COL25A1: variants seen among roughly 807,000 people sequenced by gnomAD.
COL25A1 encodes collagen type XXV alpha 1 chain, also known as collagen alpha-1(XXV) chain.
In COL25A1, 103 loss-of-function variants were observed where a neutral mutation model predicts 128.4. The observed-to-expected ratio is 0.80, with a 90% CI of 0.68 to 0.94. The LOEUF is 0.94. COL25A1 is among the 40% of genes least tolerant of loss of function. The probability of loss-of-function intolerance (pLI) is 0.00; values close to 1 mark genes in which losing one functional copy is unlikely to be tolerated. For synonymous variants in COL25A1, 279 were observed against 277.2 expected (o/e 1.01, Z -0.06); for missense variants, 745 against 840.0 (o/e 0.89, Z 1.40).
intron 16 of COL25A1, among the ~76,000 whole-genome samples, chr4:108,895,147 T>C (rs958423155): frequency 3.9e-5 from 6 of 152,224 alleles, no homozygotes; most frequent in Non-Finnish European, 7.3e-5. Context: ...AATTGCTACT[T>C]GGTGACATTA....
intron 37 of COL25A1, among the ~76,000 whole-genome samples, chr4:108,815,246 AT>A (rs1334684828): frequency 6.6e-6 from 1 of 152,298 alleles, no homozygotes; most frequent in East Asian, 1.9e-4. Flanking sequence ...CACAATTTGA[AT>A]TTTAAGTCAA....
At chr4:109,149,969 T>C (rs911826874) in intron 3 of COL25A1, among the ~76,000 whole-genome samples, 10 of 150,748 alleles carry the variant, frequency 6.6e-5, no homozygotes, top group South Asian at 2.1e-4. Flanking sequence ...TACCTGTGTG[T>C]ATGTATGTGT....
At chr4:109,287,671 A>C (rs1018855994) in intron 3 of COL25A1, among the ~76,000 whole-genome samples, 1 of 152,178 alleles carries the variant, frequency 6.6e-6, no homozygotes, top group Admixed American at 6.6e-5. Flanking sequence ...CTATTCTGAC[A>C]TACTTTCTTC....
Position 109,049,064 on chromosome 4 carries a change from AATAAAT to A in COL25A1, c.413-895_413-890del, listed in dbSNP as rs572437528. Among the ~76,000 whole-genome samples the A allele has an allele frequency of 1.2e-4, 19 of 152,262 alleles. No homozygotes were observed. The East Asian group carries it at 3.7e-3, about 29-fold the overall frequency. ...AATAAGCAACTACACTGCTCAAATT[AATAAAT>A]TTTCACAAATGCTTTTTACTTTTAC... On this transcript the variant is annotated intron_variant, in intron 4 of 37. Coordinates refer to ENST00000399132, the MANE Select transcript of COL25A1 (RefSeq NM_198721.4).
intron 3 of COL25A1, among the ~76,000 whole-genome samples, chr4:109,154,568 T>TG (rs1209227835): frequency 1.3e-5 from 2 of 152,178 alleles, no homozygotes; most frequent in African/African-American, 2.4e-5. Context: ...CATACAGACT[T>TG]GAAGATGTTG....
chr4:108,988,974 C>A (rs1753919846), intron 6 of COL25A1, among the ~76,000 whole-genome samples: 1 of 152,208 alleles, frequency 6.6e-6, no homozygotes, highest in Non-Finnish European at 1.5e-5. Flanking sequence ...GTGTCAGCTA[C>A]TACTTGTCCA....
chr4:108,872,943 A>G (rs1738947658), intron 19 of COL25A1, among the ~76,000 whole-genome samples: 1 of 151,526 alleles, frequency 6.6e-6, no homozygotes, highest in African/African-American at 2.4e-5. Context: ...CCCAGGCTGA[A>G]GTTCAGTGGT....
In COL25A1 at chr4:109,172,346, T is replaced by G. The variant is rs554935436; in HGVS notation, c.368-122167A>C. ...GCGATAAGATATAATCGAGGAAGAA[T>G]AAGGTATTTGTCAAGAAGAGAATCC... On this transcript the variant is annotated intron_variant, in intron 3 of 37. Transcript: ENST00000399132. Among the ~76,000 whole-genome samples the G allele has an allele frequency of 6.6e-5, 10 of 152,084 alleles. 1 individual carries two copies. The South Asian group carries it at 8.3e-4, about 13-fold the overall frequency.
intron 3 of COL25A1, among the ~76,000 whole-genome samples, chr4:109,164,489 T>C (rs1479975040): frequency 6.6e-6 from 1 of 152,124 alleles, no homozygotes; most frequent in Non-Finnish European, 1.5e-5. Flanking sequence ...GGTTGACTGG[T>C]TGGTTGGTTT....
intron 6 of COL25A1, among the ~76,000 whole-genome samples, chr4:109,008,927 C>G (rs1756313989): frequency 6.6e-6 from 1 of 152,032 alleles, no homozygotes; most frequent in Non-Finnish European, 1.5e-5. Flanking sequence ...TCAAGACCAG[C>G]CTGGCCAACA....
intron 12 of COL25A1, among the ~76,000 whole-genome samples, chr4:108,919,737 A>G (rs1359972501): frequency 1.3e-5 from 2 of 152,010 alleles, no homozygotes; most frequent in African/African-American, 4.8e-5. Flanking sequence ...TGGAAACCCT[A>G]GATCTTCTCC....
chr4:109,010,241 T>C (rs1756444608), intron 6 of COL25A1, 117 bp downstream of exon 6: 1 of 796,204 alleles, frequency 1.3e-6, no homozygotes, highest in South Asian at 1.7e-5. Flanking sequence ...GTCTACTGTG[T>C]GGTGTTGTGA....
chr4:109,179,533 C>T (rs141977179), intron 3 of COL25A1, among the ~76,000 whole-genome samples: 3 of 152,208 alleles, frequency 2.0e-5, no homozygotes, highest in African/African-American at 7.2e-5. Context: ...AGGTAATTCC[C>T]ATGTGAATAT....
chr4:109,050,841 C>G (rs987296135), intron 3 of COL25A1, among the ~76,000 whole-genome samples: 5 of 151,666 alleles, frequency 3.3e-5, no homozygotes, highest in South Asian at 4.2e-4. Flanking sequence ...AAATAGTTAG[C>G]CTTTATGATG....
At chr4:109,139,954 G>A (rs181872314) in intron 3 of COL25A1, among the ~76,000 whole-genome samples, 134 of 152,012 alleles carry the variant, frequency 8.8e-4, no homozygotes, top group African/African-American at 3.0e-3. Context: ...ATAGTTTGCC[G>A]AGAATGATGG....
At chr4:109,204,448 T>A (rs1191508452) in intron 3 of COL25A1, among the ~76,000 whole-genome samples, 1 of 151,890 alleles carries the variant, frequency 6.6e-6, no homozygotes, top group African/African-American at 2.4e-5. Flanking sequence ...AAAAATGGCC[T>A]ATATAATAGG....
intron 3 of COL25A1, among the ~76,000 whole-genome samples, chr4:109,078,002 A>G (rs1300615077): frequency 6.6e-6 from 1 of 152,198 alleles, no homozygotes; most frequent in Non-Finnish European, 1.5e-5. Flanking sequence ...TCGTAGTAGT[A>G]GGGGTGTTTT....
intron 3 of COL25A1, among the ~76,000 whole-genome samples, chr4:109,293,114 C>T (rs1384382969): frequency 6.6e-6 from 1 of 151,902 alleles, no homozygotes; most frequent in East Asian, 1.9e-4. Context: ...TTGACAGCTC[C>T]CAGCATTGAC....
At chr4:108,878,843 AATTTGACTCTCCAATT>A (rs1739764026) in intron 19 of COL25A1, among the ~76,000 whole-genome samples, 1 of 152,092 alleles carries the variant, frequency 6.6e-6, no homozygotes, top group Non-Finnish European at 1.5e-5. Context: ...TGAGTTTCCT[AATTTGACTCTCCAATT>A]ATTCAACTTC....
Sources: allele counts gnomAD v4.1 joint callset (sites outside exome capture counted in the v4.1 genomes callset), GRCh38; gene constraint gnomAD v4.1.1; transcripts MANE v1.5; gene names NCBI Gene and HGNC (gene_info 2026-07-23, HGNC 2026-07-21).